The following HLF variants were observed in gnomAD, a reference collection of about 807,000 sequenced individuals.
The protein encoded by HLF is hepatic leukemia factor.
HLF carries 3 observed loss-of-function variants against 22.6 expected under a neutral mutation model. The observed-to-expected ratio is 0.13, with a 90% CI of 0.06 to 0.34. HLF has a LOEUF of 0.34. Ranked by LOEUF, HLF falls within the 10% of genes least tolerant of loss-of-function variation. The probability of loss-of-function intolerance (pLI) is 1.00; values close to 1 mark genes in which losing one functional copy is unlikely to be tolerated. For missense variants in HLF, 299 were observed against 389.2 expected, an observed-to-expected ratio of 0.77 and a Z score of 1.95; for synonymous variants, 151 against 151.8, an observed-to-expected ratio of 0.99 and a Z score of 0.04.
At position 55,265,537 on chromosome 17, in the gene HLF, C is replaced by A. The variant is rs983639994; in HGVS notation, c.53C>A (p.Pro18His). 2 of 1,610,226 alleles carry A rather than the reference C, an allele frequency of 1.2e-6. No individual in the cohort carries two copies. Among genetic ancestry groups the A allele is most frequent in the African/African-American group, 2.7e-5 (2 of 74,374 alleles). ...CTGAATCCCACCTTTATCCCGCCTC[C>A]CTACGGCGTGCTCAGGTCCCTGCTG... ...LPLNPTFIPP[P>H]YGVLRSLLEN... is the part of the protein sequence containing the mutation. Residue 18 changes from proline to histidine, a missense_variant, in exon 1 of 4, where the codon CCC becomes CAC. Physicochemically the swap from Pro to His is moderately conservative, Grantham distance 77 (BLOSUM62 -2). Coordinates refer to ENST00000226067, the MANE Select transcript of HLF (RefSeq NM_002126.5).
chr17:55,315,231 G>C lies in HLF; in HGVS notation c.456G>C (p.Gln152His), dbSNP rs770657492. The C allele has an allele frequency of 3.7e-6, 6 of 1,613,810 alleles. No individual in the cohort carries two copies. The African/African-American group carries it at 4.0e-5, about 11-fold the overall frequency. The change falls in exon 3 of 4, where the codon CAG becomes CAC. Residue 152 changes from glutamine (Q) to histidine (H), a missense_variant. By Grantham distance (24) the Gln-to-His change is conservative (BLOSUM62 0). This residue lies in a region of HLF where 224 missense variants were observed against 298.1 expected (regional missense o/e 0.75). Transcript: ENST00000226067. ...NCMQSPIRPG[Q>H]LLPANRNTPS... ...AAAACTCCTGTGTTGTTCCAGGTCAGCTGTTGCCAGCAAACCGCAATACAC... is the reference window on the plus strand; with the variant it reads ...AAAACTCCTGTGTTGTTCCAGGTCACCTGTTGCCAGCAAACCGCAATACAC...
chr17:55,314,365 C>T (rs1318754010), intron 2 of HLF, among the ~76,000 whole-genome samples: 1 of 152,122 alleles, frequency 6.6e-6, no homozygotes, highest in Non-Finnish European at 1.5e-5. Flanking sequence ...CCATTGCTAC[C>T]GTTAATGTGT....
At chr17:55,314,558 C>T (rs1440581329) in intron 2 of HLF, among the ~76,000 whole-genome samples, 1 of 152,222 alleles carries the variant, frequency 6.6e-6, no homozygotes, top group Non-Finnish European at 1.5e-5. Context: ...TTCTTGGCCA[C>T]ATCTCTTGTG....
At chr17:55,300,374 C>A (rs148078887) in intron 2 of HLF, among the ~76,000 whole-genome samples, 1 of 152,268 alleles carries the variant, frequency 6.6e-6, no homozygotes, top group African/African-American at 2.4e-5. Context: ...CTTTGGTTTT[C>A]TTGTTCTGTG....
At chr17:55,313,882 T>G (rs990644006) in intron 2 of HLF, among the ~76,000 whole-genome samples, 1 of 152,116 alleles carries the variant, frequency 6.6e-6, no homozygotes, top group Non-Finnish European at 1.5e-5. Flanking sequence ...GAGCATTCAT[T>G]TTGCAAACTC....
In HLF at chr17:55,282,742, AGAC is replaced by A. The variant is rs2080965400; in HGVS notation, c.451+14660_451+14662del. 2.6e-5 allele frequency among the ~76,000 whole-genome samples: 4 copies of A among 152,220 alleles called. No homozygotes were observed. The South Asian group carries it at 8.3e-4, about 32-fold the overall frequency. On this transcript the variant is annotated intron_variant, in intron 2 of 3. Transcript: ENST00000226067. ...TGTTCAAAGACTACTATGTGCTGGA[AGAC>A]GACTAACATTCACATTTTGGTGAAT...
intron 2 of HLF, among the ~76,000 whole-genome samples, chr17:55,286,221 A>T (rs1430687032): frequency 6.6e-5 from 10 of 152,140 alleles, no homozygotes; most frequent in Non-Finnish European, 1.3e-4. Flanking sequence ...AATGGCAAAC[A>T]CTGTTAAAAT....
At position 55,320,939 on chromosome 17, in the gene HLF, C is replaced by T. The variant is rs2145380434; in HGVS notation, c.*60C>T. On this transcript the variant is annotated 3_prime_UTR_variant, in exon 4 of 4. Coordinates refer to ENST00000226067, the MANE Select transcript of HLF (RefSeq NM_002126.5). This position sits in a 1 kb window ranked among gnomAD's most constrained non-coding sequence, Gnocchi z 4.2. Reference sequence around the variant, plus strand: ...GGACAGTTTGTTTCCTGTCTGATAGCACCACACGCAAACCAACCTTTCTGA... The same window carrying T: ...GGACAGTTTGTTTCCTGTCTGATAGTACCACACGCAAACCAACCTTTCTGA... 3.7e-6 allele frequency: 5 copies of T among 1,359,322 alleles called. No individual in the cohort carries two copies. Among genetic ancestry groups the T allele is most frequent in the Non-Finnish European group, 5.1e-6 (5 of 975,306 alleles). 84.2% of individuals were successfully genotyped at this position (1,359,322 alleles called of 1,614,324 possible).
intron 1 of HLF, chr17:55,267,533 C>T: frequency 2.0e-6 from 1 of 505,460 alleles, no homozygotes; most frequent in South Asian, 3.2e-5. Flanking sequence ...AGGACTAGTG[C>T]CTTCTTTCCA....
intron 2 of HLF, among the ~76,000 whole-genome samples, chr17:55,276,172 G>C (rs2080902852): frequency 6.6e-6 from 1 of 152,188 alleles, no homozygotes; most frequent in South Asian, 2.1e-4. Flanking sequence ...AAGGTGTATG[G>C]TCCCAGAAAT....
At chr17:55,317,124 C>T (rs1300336470) in intron 3 of HLF, among the ~76,000 whole-genome samples, 7 of 152,028 alleles carry the variant, frequency 4.6e-5, no homozygotes, top group South Asian at 4.1e-4. Flanking sequence ...CACGCCACCA[C>T]GCCCGGCTAA....
chr17:55,292,976 C>A (rs909000512), intron 2 of HLF, among the ~76,000 whole-genome samples: 1 of 152,112 alleles, frequency 6.6e-6, no homozygotes, highest in Non-Finnish European at 1.5e-5. Context: ...ATGATGGTTA[C>A]CAGAGGCTGG....
intron 2 of HLF, among the ~76,000 whole-genome samples, chr17:55,276,086 T>A (rs2080902181): frequency 6.6e-6 from 1 of 152,176 alleles, no homozygotes. Context: ...CCAGCCTGGG[T>A]AACAGAGTGC....
Position 55,324,991 on chromosome 17 carries a change from A to T in HLF, c.*4112A>T, listed in dbSNP as rs1402443751. On this transcript the variant is annotated 3_prime_UTR_variant, in exon 4 of 4. Transcript: ENST00000226067. The stretch of plus-strand genomic sequence containing the variant: ...AATTGTACACCATGATATTGGTGGT[A>T]TTTATGCTGTTAAGTCCAAACCTTT... The T allele has an allele frequency of 4.4e-6, 1 of 228,290 alleles. No individual in the cohort carries two copies. Among genetic ancestry groups the T allele is most frequent in the Non-Finnish European group, 8.7e-6 (1 of 114,730 alleles). 14.1% of individuals were successfully genotyped at this position (228,290 alleles called of 1,614,324 possible).
chr17:55,309,236 G>A (rs763929323), intron 2 of HLF, among the ~76,000 whole-genome samples: 2 of 152,188 alleles, frequency 1.3e-5, no homozygotes, highest in South Asian at 2.1e-4. Flanking sequence ...TTCCTGCTGC[G>A]GGAATGGAGA....
At chr17:55,265,645 G>A (rs781199385) in intron 1 of HLF, 46 bp downstream of exon 1, 13 of 1,385,408 alleles carry the variant, frequency 9.4e-6, no homozygotes, top group South Asian at 2.4e-5. Flanking sequence ...GACGCTCCGG[G>A]GGTCCCCCTC....
At chr17:55,265,635 G>T (rs2080780314) in intron 1 of HLF, 36 bp downstream of exon 1, 1 of 1,427,632 alleles carries the variant, frequency 7.0e-7, no homozygotes, top group East Asian at 2.4e-5. Context: ...GGGAAGGGAC[G>T]ACGCTCCGGG....
Position 55,265,548 on chromosome 17 carries a change from C to T in HLF, c.64C>T (p.Leu22Phe). 6.2e-7 allele frequency: 1 copy of T among 1,610,404 alleles called. No homozygotes were observed. The highest frequency in any genetic ancestry group is 8.5e-7 in the Non-Finnish European group (1 of 1,178,428). Residue 22 changes from leucine to phenylalanine, a missense_variant, in exon 1 of 4, where the codon CTC (leucine) becomes TTC (phenylalanine). This residue lies in a region of HLF where 72 missense variants were observed against 74.0 expected (regional missense o/e 0.97). Transcript: ENST00000226067. The stretch of plus-strand genomic sequence containing the variant: ...CTTTATCCCGCCTCCCTACGGCGTG[C>T]TCAGGTCCCTGCTGGAGAACCCGCT... ...PTFIPPPYGV[L>F]RSLLENPLKL...
chr17:55,310,836 G>A (rs765137116), intron 2 of HLF, among the ~76,000 whole-genome samples: 1 of 152,154 alleles, frequency 6.6e-6, no homozygotes, highest in East Asian at 1.9e-4. Context: ...TATAGCAGCA[G>A]TAACCGCTTA....
Sources: gnomAD v4.1 joint callset for allele counts (sites outside exome capture counted in the v4.1 genomes callset) on GRCh38, gnomAD v4.1.1 for gene constraint, gnomAD v4.1.1 regional missense constraint, Gnocchi (gnomAD v3.1) non-coding constraint, MANE v1.5 for transcripts, NCBI Gene and HGNC (gene_info 2026-07-23, HGNC 2026-07-21) for gene names.